IQCH: variants seen among roughly 807,000 people sequenced by gnomAD.
The protein encoded by IQCH is IQ domain-containing protein H.
A neutral mutation model predicts 117.0 loss-of-function variants in IQCH; 98 were observed. That is an observed-to-expected ratio of 0.84 (90% CI 0.71 to 0.99). The LOEUF (loss-of-function observed/expected upper bound fraction) is 0.99. Ranked by LOEUF, IQCH falls within the 50% of genes least tolerant of loss-of-function variation. IQCH has a pLI of 0.00. For synonymous variants in IQCH, 412 were observed against 448.2 expected (o/e 0.92, Z 1.02); for missense variants, 1,102 against 1,243.8 (o/e 0.89, Z 1.72).
intron 18 of IQCH, among the ~76,000 whole-genome samples, chr15:67,486,156 G>A (rs1309583813): frequency 6.8e-6 from 1 of 147,118 alleles, no homozygotes; most frequent in Non-Finnish European, 1.5e-5. Context: ...TCAGCCTCCT[G>A]AGTAGCTGGG....
chr15:67,434,923 G>A (rs776630394), intron 16 of IQCH, among the ~76,000 whole-genome samples: 9 of 149,860 alleles, frequency 6.0e-5, no homozygotes, highest in South Asian at 2.1e-4. Flanking sequence ...CTACAAGCGC[G>A]TCACCACGCC....
At chr15:67,410,540 G>T (rs539965049) in intron 14 of IQCH, among the ~76,000 whole-genome samples, 1 of 152,298 alleles carries the variant, frequency 6.6e-6, no homozygotes, top group African/African-American at 2.4e-5. Context: ...AGAAGCCCCA[G>T]GAAGTGCTTC....
intron 1 of IQCH, 71 bp downstream of exon 1, chr15:67,255,018 A>G (rs923304539): frequency 2.1e-6 from 3 of 1,441,554 alleles, no homozygotes; most frequent in Non-Finnish European, 2.9e-6. Flanking sequence ...CCGCGCGCCG[A>G]TTCACCGACG....
At chr15:67,346,204 A>C (rs2140692600) in intron 6 of IQCH, among the ~76,000 whole-genome samples, 1 of 152,308 alleles carries the variant, frequency 6.6e-6, no homozygotes, top group African/African-American at 2.4e-5. Flanking sequence ...ACATTCCTAA[A>C]TGTGTATTTA....
intron 10 of IQCH, among the ~76,000 whole-genome samples, chr15:67,382,408 G>C (rs1311728092): frequency 2.0e-5 from 3 of 152,200 alleles, no homozygotes; most frequent in African/African-American, 7.2e-5. Flanking sequence ...TCAGTTGATA[G>C]CAACCTTAAT....
intron 4 of IQCH, among the ~76,000 whole-genome samples, chr15:67,329,371 A>G (rs996328876): frequency 2.0e-5 from 3 of 152,146 alleles, no homozygotes; most frequent in African/African-American, 7.2e-5. Flanking sequence ...TGTGAAAAAT[A>G]ATTTATGGAG....
chr15:67,409,629 A>G (rs185769101), intron 14 of IQCH, among the ~76,000 whole-genome samples: 16 of 152,294 alleles, frequency 1.1e-4, no homozygotes, highest in African/African-American at 3.9e-4. Context: ...GGAATTATAT[A>G]CCGCATTTTC....
At chr15:67,483,710 G>A (rs1001354674) in intron 18 of IQCH, among the ~76,000 whole-genome samples, 2 of 152,032 alleles carry the variant, frequency 1.3e-5, no homozygotes, top group Admixed American at 1.3e-4. Context: ...AACAAAGCCT[G>A]GAGTTCAAAA....
chr15:67,338,496 A>T (rs1969001534), intron 5 of IQCH, among the ~76,000 whole-genome samples: 1 of 152,180 alleles, frequency 6.6e-6, no homozygotes, highest in African/African-American at 2.4e-5. Flanking sequence ...CCACAGAAAT[A>T]TAAATACAGT....
In IQCH at chr15:67,386,516, A is replaced by G. The variant is rs977534279; in HGVS notation, c.1456+1497A>G. On this transcript the variant is annotated intron_variant, in intron 11 of 20. Coordinates refer to ENST00000335894, the MANE Select transcript of IQCH (RefSeq NM_001031715.3). The surrounding 1 kb of genome is among the most constrained non-coding windows in gnomAD (Gnocchi z 5.0). Reference sequence around the variant, plus strand: ...AATAGTAGTTAGATGAAGAAAAAGTACTTTTTTGTGAAATAAAAATGTGAA... The same window carrying G: ...AATAGTAGTTAGATGAAGAAAAAGTGCTTTTTTGTGAAATAAAAATGTGAA... Among the ~76,000 whole-genome samples, 2 of 152,222 alleles carry G rather than the reference A, an allele frequency of 1.3e-5. No individual in the cohort carries two copies. Among genetic ancestry groups the G allele is most frequent in the African/African-American group, 4.8e-5 (2 of 41,468 alleles).
intron 15 of IQCH, among the ~76,000 whole-genome samples, chr15:67,418,706 T>G (rs1408287277): frequency 6.6e-6 from 1 of 151,498 alleles, no homozygotes. Flanking sequence ...AGCCTCCTGA[T>G]AGCTGGGATT....
chr15:67,499,942 T>C (rs758634193), intron 20 of IQCH, among the ~76,000 whole-genome samples: 8 of 152,072 alleles, frequency 5.3e-5, no homozygotes, highest in Non-Finnish European at 1.2e-4. Context: ...AATAGATTAG[T>C]GGTTGCCAGG....
intron 4 of IQCH, among the ~76,000 whole-genome samples, chr15:67,331,762 T>C (rs190969390): frequency 8.5e-5 from 13 of 152,294 alleles, no homozygotes; most frequent in Non-Finnish European, 1.6e-4. Flanking sequence ...CAGCTCCTCA[T>C]TACAGTAGTT....
At chr15:67,319,332 T>C (rs961257856) in intron 4 of IQCH, among the ~76,000 whole-genome samples, 2 of 152,212 alleles carry the variant, frequency 1.3e-5, no homozygotes, top group African/African-American at 4.8e-5. Context: ...GCTCCAATCC[T>C]AGATCTGGCA....
At position 67,459,991 on chromosome 15, in the gene IQCH, GA is replaced by G. The variant is rs67608961; in HGVS notation, c.2506-5127del. On this transcript the variant is annotated intron_variant, in intron 16 of 20. Coordinates refer to ENST00000335894, the MANE Select transcript of IQCH (RefSeq NM_001031715.3). The surrounding 1 kb of genome is among the most constrained non-coding windows in gnomAD (Gnocchi z 4.2). ...GATCTTGTCTCTACAAAAAAGGAAA[GA>G]AAAAAAAATTAGCAGGGTTTGGTGG... The G allele has an allele frequency of 0.23, 35,343 of 151,692 alleles. 4,994 individuals are homozygous for G. Among genetic ancestry groups the G allele is most frequent in the East Asian group, 0.51 (2,609 of 5,148 alleles). 9.4% of individuals were successfully genotyped at this position (151,692 alleles called of 1,614,324 possible).
At chr15:67,437,014 C>T (rs2082154212) in intron 16 of IQCH, among the ~76,000 whole-genome samples, 1 of 151,604 alleles carries the variant, frequency 6.6e-6, no homozygotes, top group Admixed American at 6.6e-5. Context: ...AGTTCTAGGG[C>T]CCCACCCACT....
At position 67,281,704 on chromosome 15, in the gene IQCH, G is replaced by C. The variant is rs755444533; in HGVS notation, c.387+2192G>C. ...ACAGAAGCAAAATTTCCCCACAAAAGACAGCTTTGCAAGACCACTTCTGTT... is the reference window on the plus strand; with the variant it reads ...ACAGAAGCAAAATTTCCCCACAAAACACAGCTTTGCAAGACCACTTCTGTT... On this transcript the variant is annotated intron_variant, in intron 4 of 20. Coordinates refer to ENST00000335894, the MANE Select transcript of IQCH (RefSeq NM_001031715.3). 4.4e-6 allele frequency: 2 copies of C among 454,326 alleles called. 1 individual carries two copies. The highest frequency in any genetic ancestry group is 3.1e-5 in the South Asian group (2 of 64,476). The allele number at this position is 454,326 out of a possible 1,614,324, so 28.1% of individuals were successfully genotyped here. A position where few individuals can be genotyped will look rare whatever the true frequency, so the allele number is the denominator to read the frequency against.
chr15:67,443,648 C>CT lies in IQCH; in HGVS notation c.2506-21473dup, dbSNP rs1308459035. Among the ~76,000 whole-genome samples the CT allele has an allele frequency of 6.6e-6, 1 of 152,176 alleles. No homozygotes were observed. The highest frequency in any genetic ancestry group is 2.4e-5 in the African/African-American group (1 of 41,430). ...CCTTCAGTCCTACAATTTGCTTTTC[C>CT]TTTTTTCTCTGCTGATATACAACTT... On this transcript the variant is annotated intron_variant, in intron 16 of 20. Transcript: ENST00000335894. This position sits in a 1 kb window ranked among gnomAD's most constrained non-coding sequence, Gnocchi z 5.0.
rs962777746 is a variant in IQCH at position 67,433,416 on chromosome 15, A to AC, written c.2505+11845dup. ...GTGACTGTCCTTAAATGTTTGGTTA[A>AC]CCCCCCTTACACTGTAAACCTTCAC... On this transcript the variant is annotated intron_variant, in intron 16 of 20. Transcript: ENST00000335894. This position sits in a 1 kb window ranked among gnomAD's most constrained non-coding sequence, Gnocchi z 5.4. Among the ~76,000 whole-genome samples, 14 of 152,218 alleles carry AC rather than the reference A, an allele frequency of 9.2e-5. 1 individual carries two copies. The highest frequency in any genetic ancestry group is 1.7e-4 in the African/African-American group (7 of 41,530).
Sources: gnomAD v4.1 joint callset for allele counts (sites outside exome capture counted in the v4.1 genomes callset) on GRCh38, gnomAD v4.1.1 for gene constraint, Gnocchi (gnomAD v3.1) non-coding constraint, MANE v1.5 for transcripts, NCBI Gene and HGNC (gene_info 2026-07-23, HGNC 2026-07-21) for gene names.